Variants in LRMDA observed in about 807,000 individuals in gnomAD.
LRMDA encodes the protein leucine-rich melanocyte differentiation-associated protein.
A neutral mutation model predicts 29.8 loss-of-function variants in LRMDA; 18 were observed. That is an observed-to-expected ratio of 0.60 (90% CI 0.42 to 0.90). LRMDA has a LOEUF of 0.90. Ranked by LOEUF, LRMDA falls within the 40% of genes least tolerant of loss-of-function variation. The pLI is 0.00. For missense variants in LRMDA, 273 were observed against 273.9 expected, an observed-to-expected ratio of 1.00 and a Z score of 0.02; for synonymous variants, 125 against 109.4, an observed-to-expected ratio of 1.14 and a Z score of -0.89.
intron 2 of LRMDA, among the ~76,000 whole-genome samples, chr10:75,709,767 G>A (rs1307314091): frequency 2.6e-5 from 4 of 152,160 alleles, no homozygotes; most frequent in Admixed American, 1.3e-4. Context: ...GGGGCTCAAG[G>A]TAAGAGATGC....
chr10:75,831,847 C>T (rs921500102), intron 2 of LRMDA, among the ~76,000 whole-genome samples: 1 of 152,248 alleles, frequency 6.6e-6, no homozygotes, highest in African/African-American at 2.4e-5. Context: ...GGGCTTCCAC[C>T]CTCTGAAGCA....
Position 76,558,762 on chromosome 10 carries a change from G to A in LRMDA, c.*1474G>A, listed in dbSNP as rs1427357313. 6.6e-6 allele frequency: 1 copy of A among 152,104 alleles called. No individual in the cohort carries two copies. The highest frequency in any genetic ancestry group is 2.1e-4 in the South Asian group (1 of 4,824). The allele number at this position is 152,104 out of a possible 1,614,324, so 9.4% of individuals were successfully genotyped here. A position where few individuals can be genotyped will look rare whatever the true frequency, so the allele number is the denominator to read the frequency against. ...GAACCTACTTTCTCAGCTCTAGCCCGTTTACATAGCCTCTGGCCCACTGAG... is the reference window on the plus strand; with the variant it reads ...GAACCTACTTTCTCAGCTCTAGCCCATTTACATAGCCTCTGGCCCACTGAG... On this transcript the variant is annotated 3_prime_UTR_variant, in exon 7 of 7. Coordinates refer to ENST00000611255, the MANE Select transcript of LRMDA (RefSeq NM_001305581.2).
At chr10:76,447,970 G>C (rs529496789) in intron 6 of LRMDA, among the ~76,000 whole-genome samples, 1 of 152,118 alleles carries the variant, frequency 6.6e-6, no homozygotes, top group Non-Finnish European at 1.5e-5. Context: ...ATTGCTTTTT[G>C]TGGTGTAGCA....
chr10:76,179,187 A>G (rs1850995345), intron 5 of LRMDA, among the ~76,000 whole-genome samples: 1 of 152,230 alleles, frequency 6.6e-6, no homozygotes, highest in Non-Finnish European at 1.5e-5. Context: ...TGATTAAAAA[A>G]AAGTTTCTGC....
At chr10:76,115,302 C>T (rs552849539) in intron 5 of LRMDA, among the ~76,000 whole-genome samples, 1 of 152,360 alleles carries the variant, frequency 6.6e-6, no homozygotes, top group African/African-American at 2.4e-5. Context: ...CTCTTCAGTA[C>T]AAGCACAGAT....
At chr10:76,506,528 T>A (rs1842960780) in intron 6 of LRMDA, among the ~76,000 whole-genome samples, 1 of 152,110 alleles carries the variant, frequency 6.6e-6, no homozygotes, top group Non-Finnish European at 1.5e-5. Flanking sequence ...TCACCAAAAT[T>A]TGACTTGTAT....
chr10:75,478,151 G>T (rs1380610897), intron 2 of LRMDA, among the ~76,000 whole-genome samples: 1 of 152,184 alleles, frequency 6.6e-6, no homozygotes, highest in African/African-American at 2.4e-5. Context: ...CCAGCTCCAA[G>T]CTACCAGCAT....
intron 2 of LRMDA, among the ~76,000 whole-genome samples, chr10:75,496,513 T>C (rs1410170230): frequency 1.3e-5 from 2 of 152,238 alleles, no homozygotes; most frequent in African/African-American, 2.4e-5. Flanking sequence ...CAATAGTCTA[T>C]ATCTTAATTT....
chr10:75,666,404 ATAGT>A (rs1379881123), intron 2 of LRMDA, among the ~76,000 whole-genome samples: 1 of 151,730 alleles, frequency 6.6e-6, no homozygotes, highest in Non-Finnish European at 1.5e-5. Flanking sequence ...AATTTTGTAT[ATAGT>A]TATACAGTAT....
intron 2 of LRMDA, among the ~76,000 whole-genome samples, chr10:75,476,181 A>C (rs912920351): frequency 1.8e-4 from 27 of 152,222 alleles, no homozygotes; most frequent in Admixed American, 5.9e-4. Context: ...AGACAATTGC[A>C]CTAGGGTTAA....
intron 2 of LRMDA, among the ~76,000 whole-genome samples, chr10:75,624,589 C>T (rs544374363): frequency 6.6e-6 from 1 of 152,080 alleles, no homozygotes; most frequent in South Asian, 2.1e-4. Flanking sequence ...TTCTTCCTGT[C>T]CTCAAGGGAG....
chr10:76,055,819 G>T (rs897022321), intron 4 of LRMDA, among the ~76,000 whole-genome samples: 3 of 152,254 alleles, frequency 2.0e-5, no homozygotes, highest in Non-Finnish European at 4.4e-5. Context: ...CTGGAAGCTT[G>T]AAGATGCCAG....
At chr10:76,463,109 G>A (rs1842529620) in intron 6 of LRMDA, among the ~76,000 whole-genome samples, 1 of 152,120 alleles carries the variant, frequency 6.6e-6, no homozygotes, top group African/African-American at 2.4e-5. Flanking sequence ...CTCAGGGATG[G>A]GTAGTGGGCC....
Position 75,578,644 on chromosome 10 carries a change from G to A in LRMDA, c.131+140150G>A, listed in dbSNP as rs140342586. On this transcript the variant is annotated intron_variant, in intron 2 of 6. Transcript: ENST00000611255. Reference sequence around the variant, plus strand: ...CTTATTCTTAAATTACCACATAATTGGAAGTAAACCACTCCTCAGCAAATG... The same window carrying A: ...CTTATTCTTAAATTACCACATAATTAGAAGTAAACCACTCCTCAGCAAATG... Among the ~76,000 whole-genome samples the A allele has an allele frequency of 6.4e-3, 972 of 152,140 alleles. 13 individuals carry two copies. Among genetic ancestry groups the A allele is most frequent in the African/African-American group, 0.022 (906 of 41,506 alleles).
chr10:75,617,792 TC>T (rs1841123322), intron 2 of LRMDA, among the ~76,000 whole-genome samples: 1 of 152,142 alleles, frequency 6.6e-6, no homozygotes, highest in Admixed American at 6.5e-5. Flanking sequence ...CATTTCTGTT[TC>T]CTCCATAAAG....
intron 6 of LRMDA, among the ~76,000 whole-genome samples, chr10:76,371,128 C>G (rs2132458117): frequency 6.6e-6 from 1 of 152,280 alleles, no homozygotes; most frequent in Non-Finnish European, 1.5e-5. Context: ...GTGTCATTGC[C>G]TGAGCTTTCA....
At chr10:76,510,300 A>C (rs1842997537) in intron 6 of LRMDA, among the ~76,000 whole-genome samples, 1 of 152,038 alleles carries the variant, frequency 6.6e-6, no homozygotes, top group African/African-American at 2.4e-5. Context: ...CGAACTCCTG[A>C]CCTCAGGGAA....
At chr10:75,816,304 A>G (rs951100466) in intron 2 of LRMDA, among the ~76,000 whole-genome samples, 2 of 152,180 alleles carry the variant, frequency 1.3e-5, no homozygotes, top group Non-Finnish European at 2.9e-5. Flanking sequence ...GAACTCTGGG[A>G]GAGCTAAGGA....
intron 2 of LRMDA, among the ~76,000 whole-genome samples, chr10:75,576,596 G>T (rs1053002090): frequency 6.6e-6 from 1 of 152,214 alleles, no homozygotes; most frequent in Non-Finnish European, 1.5e-5. Flanking sequence ...CCCAGTAGGG[G>T]CCAAAAGACA....
Sources: gnomAD v4.1 joint callset for allele counts (sites outside exome capture counted in the v4.1 genomes callset) on GRCh38, gnomAD v4.1.1 for gene constraint, MANE v1.5 for transcripts, NCBI Gene and HGNC (gene_info 2026-07-23, HGNC 2026-07-21) for gene names.